IFT43: variants seen among roughly 807,000 people sequenced by gnomAD.
IFT43 encodes the protein intraflagellar transport 43.
A neutral mutation model predicts 32.3 loss-of-function variants in IFT43; 33 were observed. The ratio of observed to expected loss-of-function variants is 1.02; its 90% CI spans 0.77 to 1.37. IFT43 has a LOEUF of 1.37. Ranked by LOEUF, IFT43 falls within the 40% of genes most tolerant of loss-of-function variation. The pLI is 0.00. For synonymous variants in IFT43, 93 were observed against 98.2 expected (o/e 0.95, Z 0.31); for missense variants, 274 against 265.9 (o/e 1.03, Z -0.21).
chr14:75,991,388 A>AGTGTGAGT (rs2035638180), intron 2 of IFT43, among the ~76,000 whole-genome samples: 1 of 141,988 alleles, frequency 7.0e-6, no homozygotes, highest in African/African-American at 2.6e-5. Flanking sequence ...TATTAACAAG[A>AGTGTGAGT]GTGTGTGTGT....
At chr14:76,073,513 A>G (rs2037357776) in intron 5 of IFT43, among the ~76,000 whole-genome samples, 1 of 152,182 alleles carries the variant, frequency 6.6e-6, no homozygotes, top group Non-Finnish European at 1.5e-5. Flanking sequence ...CTTCATGGCC[A>G]AGTGACGCGT....
chr14:76,016,620 T>C (rs771759917), intron 2 of IFT43, among the ~76,000 whole-genome samples: 15 of 152,152 alleles, frequency 9.9e-5, no homozygotes, highest in Admixed American at 2.6e-4. Flanking sequence ...GATAGAATTG[T>C]ATTGAACCTG....
chr14:76,082,565 C>T (rs985747054), intron 6 of IFT43, 52 bp from the exon 7 acceptor site: 19 of 1,610,556 alleles, frequency 1.2e-5, no homozygotes, highest in Non-Finnish European at 1.6e-5. Context: ...GGCAGCACTC[C>T]TGGAACAGGT....
At chr14:75,991,384 CAA>C (rs1239051739) in intron 2 of IFT43, among the ~76,000 whole-genome samples, 67 of 116,962 alleles carry the variant, frequency 5.7e-4, no homozygotes, top group Admixed American at 1.3e-3. Flanking sequence ...TAAATATTAA[CAA>C]GAGTGTGTGT....
At chr14:76,055,145 A>T (rs2036986805) in intron 3 of IFT43, among the ~76,000 whole-genome samples, 1 of 152,182 alleles carries the variant, frequency 6.6e-6, no homozygotes. Context: ...GGAGTTTAAG[A>T]ACAGCCTGGA....
intron 3 of IFT43, among the ~76,000 whole-genome samples, chr14:76,055,921 A>C (rs2037004669): frequency 6.6e-6 from 1 of 151,950 alleles, no homozygotes; most frequent in Non-Finnish European, 1.5e-5. Flanking sequence ...CTAGTTCTGG[A>C]CCCCCAGTGT....
At position 76,082,362 on chromosome 14, in the gene IFT43, TC is replaced by T; in HGVS notation, c.366del (p.Ser123AlafsTer4). ...ACTTTGTTTTGCAGGTGGCAGCCCC[TC>T]CCAGGTAGGTTAAATCAGATATGAT... ...EDFVLQVAAP[P>X]SIQIKRVMTY... On this transcript the variant is annotated frameshift_variant, in exon 6 of 9. Coordinates refer to ENST00000314067, the MANE Select transcript of IFT43 (RefSeq NM_001102564.3). LOFTEE classifies it high-confidence loss of function. 6.3e-7 allele frequency: 1 copy of T among 1,599,416 alleles called. No individual in the cohort carries two copies. Among genetic ancestry groups the T allele is most frequent in the Non-Finnish European group, 8.6e-7 (1 of 1,166,568 alleles).
intron 1 of IFT43, 182 bp from the exon 2 acceptor site, chr14:75,988,703 A>G (rs183105210): frequency 6.8e-6 from 2 of 294,982 alleles, no homozygotes; most frequent in East Asian, 1.7e-4. Context: ...TGTTTTTAGT[A>G]GAGACGGGGT....
At chr14:76,032,667 T>C (rs1295942576) in intron 3 of IFT43, among the ~76,000 whole-genome samples, 1 of 152,190 alleles carries the variant, frequency 6.6e-6, no homozygotes, top group East Asian at 1.9e-4. Context: ...AAGCACTCGG[T>C]GACTATTTAT....
At chr14:76,062,925 A>G (rs2037165422) in intron 5 of IFT43, among the ~76,000 whole-genome samples, 1 of 150,010 alleles carries the variant, frequency 6.7e-6, no homozygotes, top group African/African-American at 2.5e-5. Flanking sequence ...CTCAAAAAAA[A>G]AAAAAAAAAA....
At chr14:75,995,349 AATGGGAGTAAGT>A (rs1341932321) in intron 2 of IFT43, among the ~76,000 whole-genome samples, 2 of 152,114 alleles carry the variant, frequency 1.3e-5, no homozygotes, top group East Asian at 3.9e-4. Context: ...GTCCTTTTGG[AATGGGAGTAAGT>A]TCTCACTTGA....
intron 3 of IFT43, 52 bp downstream of exon 3, chr14:76,022,446 G>A: frequency 9.6e-7 from 1 of 1,039,256 alleles, no homozygotes. Context: ...ACGGTTGGGG[G>A]GACTTTGCTC....
chr14:76,058,627 C>T lies in IFT43; in HGVS notation c.216-15C>T, dbSNP rs764659431. 1.4e-6 allele frequency: 2 copies of T among 1,425,382 alleles called. No individual in the cohort carries two copies. Among genetic ancestry groups the T allele is most frequent in the Non-Finnish European group, 9.6e-7 (1 of 1,038,714 alleles). The allele number at this position is 1,425,382 out of a possible 1,614,324, so 88.3% of individuals were successfully genotyped here. A position where few individuals can be genotyped will look rare whatever the true frequency, so the allele number is the denominator to read the frequency against. ...TGGGCTCTCAAAAACCTTGTCTTTT[C>T]TTTTTTTTTTTCAGGTTTAGGAGGA... is the stretch of plus-strand genomic sequence containing the variant. On this transcript the variant is annotated splice_polypyrimidine_tract_variant and intron_variant, in intron 3 of 8. Transcript: ENST00000314067.
intron 2 of IFT43, among the ~76,000 whole-genome samples, chr14:76,015,262 G>A (rs2036164504): frequency 6.6e-6 from 1 of 152,194 alleles, no homozygotes; most frequent in African/African-American, 2.4e-5. Flanking sequence ...ACTAAATCAT[G>A]TATGTAAGGA....
chr14:76,043,295 C>T (rs1056148692), intron 3 of IFT43, among the ~76,000 whole-genome samples: 2 of 152,180 alleles, frequency 1.3e-5, no homozygotes, highest in East Asian at 3.9e-4. Flanking sequence ...GAATGAACCA[C>T]CACAGGGTTT....
intron 3 of IFT43, among the ~76,000 whole-genome samples, chr14:76,042,871 C>T (rs1037843633): frequency 1.3e-5 from 2 of 152,198 alleles, no homozygotes; most frequent in East Asian, 1.9e-4. Flanking sequence ...TAGCCCAGAG[C>T]GAGGCACTCC....
At chr14:76,060,982 A>G (rs1248871687) in intron 5 of IFT43, among the ~76,000 whole-genome samples, 1 of 151,218 alleles carries the variant, frequency 6.6e-6, no homozygotes, top group African/African-American at 2.4e-5. Context: ...GCCCACTGCA[A>G]CCTCCACCTC....
chr14:76,080,871 T>G (rs12887292), intron 5 of IFT43, among the ~76,000 whole-genome samples: 74,808 of 152,110 alleles, frequency 0.49, 18,443 homozygotes, highest in East Asian at 0.53. Flanking sequence ...CTGAACAGCT[T>G]CTTTCTAGCT....
At chr14:76,074,246 T>C (rs11159169) in intron 5 of IFT43, among the ~76,000 whole-genome samples, 21,566 of 152,130 alleles carry the variant, frequency 0.14, 1,769 homozygotes, top group Non-Finnish European at 0.19. Context: ...TCACTCATCT[T>C]GGGCCTTATT....
Sources: gnomAD v4.1 joint callset for allele counts (sites outside exome capture counted in the v4.1 genomes callset) on GRCh38, gnomAD v4.1.1 for gene constraint, MANE v1.5 for transcripts, NCBI Gene and HGNC (gene_info 2026-07-23, HGNC 2026-07-21) for gene names.